ANKRD12: variants seen among roughly 807,000 people sequenced by gnomAD.
The protein encoded by ANKRD12 is ankyrin repeat domain 12, also known as ankyrin repeat domain-containing protein 12.
Under a neutral mutation model 183.4 loss-of-function variants are expected in ANKRD12, and 85 were observed. That is an observed-to-expected ratio of 0.46 (90% CI 0.39 to 0.56). The LOEUF is 0.56. Ranked by LOEUF, ANKRD12 falls within the 20% of genes least tolerant of loss-of-function variation. ANKRD12 has a pLI of 0.00. For missense variants in ANKRD12, 2,405 were observed against 2,357.1 expected, an observed-to-expected ratio of 1.02 and a Z score of -0.42; for synonymous variants, 914 against 800.2, an observed-to-expected ratio of 1.14 and a Z score of -2.40.
chr18:9,185,680 GAATGGAGGAGGATA>G (rs1349095899), intron 2 of ANKRD12, among the ~76,000 whole-genome samples: 1 of 152,136 alleles, frequency 6.6e-6, no homozygotes, highest in East Asian at 1.9e-4. Context: ...AGTGGCACAA[GAATGGAGGAGGATA>G]GACCCTGAGG....
At position 9,256,182 on chromosome 18, in the gene ANKRD12, T is replaced by G. The variant is rs772150644; in HGVS notation, c.2915T>G (p.Ile972Arg). The change falls in exon 9 of 13, where the codon ATA becomes AGA. Residue 972 changes from isoleucine to arginine, a missense_variant. Physicochemically the swap from Ile to Arg is moderately conservative, Grantham distance 97. Around this residue, in one of 7 missense-constraint regions of ANKRD12, gnomAD observed 1,983 missense variants for 1,725.9 expected, o/e 1.15. Coordinates refer to ENST00000262126, the MANE Select transcript of ANKRD12 (RefSeq NM_015208.5). Reference sequence around the variant, plus strand: ...TCTAGAGATAAAGAAAGTATAAATATAACTAACTCCAAACACATACAGGAA... The same window carrying G: ...TCTAGAGATAAAGAAAGTATAAATAGAACTAACTCCAAACACATACAGGAA... ...EKSRDKESIN[I>R]TNSKHIQEEK... The G allele has an allele frequency of 2.6e-6, 4 of 1,562,166 alleles. No individual in the cohort carries two copies. In the African/African-American group the frequency reaches 5.6e-5, roughly 22 times the overall value.
chr18:9,242,328 A>T (rs997784415), intron 8 of ANKRD12, among the ~76,000 whole-genome samples: 1 of 152,166 alleles, frequency 6.6e-6, no homozygotes, highest in Non-Finnish European at 1.5e-5. Flanking sequence ...GTGCCTAGCA[A>T]CTTAAAGTGA....
chr18:9,242,656 A>ATTC (rs1317112276), intron 8 of ANKRD12, among the ~76,000 whole-genome samples: 1 of 152,190 alleles, frequency 6.6e-6, no homozygotes, highest in Admixed American at 6.5e-5. Flanking sequence ...CAGAGGAAAA[A>ATTC]TTCTTGATTG....
chr18:9,245,509 G>GT (rs568916073), intron 8 of ANKRD12, among the ~76,000 whole-genome samples: 133 of 152,148 alleles, frequency 8.7e-4, no homozygotes, highest in Non-Finnish European at 1.5e-3. Context: ...ATTGTTTAAG[G>GT]TCAAGGCATG....
chr18:9,244,302 A>G (rs945499132), intron 8 of ANKRD12, among the ~76,000 whole-genome samples: 1 of 152,208 alleles, frequency 6.6e-6, no homozygotes, highest in African/African-American at 2.4e-5. Flanking sequence ...AAAATTATTC[A>G]AATATATTGC....
intron 8 of ANKRD12, among the ~76,000 whole-genome samples, chr18:9,246,422 C>G (rs1458151009): frequency 6.6e-6 from 1 of 152,064 alleles, no homozygotes; most frequent in Non-Finnish European, 1.5e-5. Flanking sequence ...CTTCTTTGCC[C>G]TCACGCCTCC....
chr18:9,271,441 C>A (rs1177923508), intron 10 of ANKRD12, among the ~76,000 whole-genome samples: 1 of 152,094 alleles, frequency 6.6e-6, no homozygotes, highest in Non-Finnish European at 1.5e-5. Flanking sequence ...ACGGCGTGAA[C>A]CCAGGAGGCG....
chr18:9,141,747 T>C (rs2078322922), intron 1 of ANKRD12, among the ~76,000 whole-genome samples: 1 of 152,220 alleles, frequency 6.6e-6, no homozygotes, highest in Admixed American at 6.5e-5. Context: ...TAGTTTACCT[T>C]TCTGGTTTTC....
intron 1 of ANKRD12, among the ~76,000 whole-genome samples, chr18:9,157,725 G>A (rs2030823668): frequency 6.7e-6 from 1 of 150,194 alleles, no homozygotes; most frequent in Non-Finnish European, 1.5e-5. Context: ...GCCTCAGTAT[G>A]TTATGTATAT....
intron 1 of ANKRD12, among the ~76,000 whole-genome samples, chr18:9,181,971 A>G (rs1025395600): frequency 2.0e-5 from 3 of 152,208 alleles, no homozygotes; most frequent in Admixed American, 1.3e-4. Flanking sequence ...AATGTAGGGA[A>G]TTAGGTGTTG....
chr18:9,250,759 T>C (rs2038245627), intron 8 of ANKRD12, among the ~76,000 whole-genome samples: 1 of 152,184 alleles, frequency 6.6e-6, no homozygotes, highest in South Asian at 2.1e-4. Context: ...TCTGAATGGC[T>C]GAATTTCGAA....
intron 4 of ANKRD12, among the ~76,000 whole-genome samples, chr18:9,205,654 A>G (rs2144566483): frequency 6.6e-6 from 1 of 152,298 alleles, no homozygotes; most frequent in South Asian, 2.1e-4. Context: ...GAAGCCATCC[A>G]TAATCTGAGT....
intron 8 of ANKRD12, among the ~76,000 whole-genome samples, chr18:9,230,091 G>T (rs1313255886): frequency 6.6e-6 from 1 of 152,038 alleles, no homozygotes; most frequent in Non-Finnish European, 1.5e-5. Flanking sequence ...CTTCTTTGTG[G>T]TAATGCTTTG....
intron 1 of ANKRD12, among the ~76,000 whole-genome samples, chr18:9,168,384 C>T (rs541597209): frequency 4.6e-5 from 7 of 152,216 alleles, no homozygotes; most frequent in Admixed American, 3.3e-4. Flanking sequence ...TTGATTATTG[C>T]CTCAATTTCA....
chr18:9,268,615 T>C (rs4798792), intron 10 of ANKRD12, among the ~76,000 whole-genome samples: 120,617 of 152,012 alleles, frequency 0.79, 48,049 homozygotes, highest in Middle Eastern at 0.88. Context: ...ATTGATGGGA[T>C]GTATCTCAAA....
At chr18:9,262,130 C>G (rs1473753357) in intron 9 of ANKRD12, among the ~76,000 whole-genome samples, 1 of 152,134 alleles carries the variant, frequency 6.6e-6, no homozygotes. Flanking sequence ...TGTTTTCAGT[C>G]TCTCATAATG....
intron 3 of ANKRD12, among the ~76,000 whole-genome samples, chr18:9,196,363 T>A (rs1000900051): frequency 1.1e-4 from 17 of 152,192 alleles, no homozygotes; most frequent in South Asian, 6.2e-4. Context: ...AATAAATTAC[T>A]AGGTTGTGTT....
intron 2 of ANKRD12, among the ~76,000 whole-genome samples, chr18:9,193,816 T>C (rs1478498154): frequency 6.6e-6 from 1 of 152,214 alleles, no homozygotes; most frequent in Non-Finnish European, 1.5e-5. Flanking sequence ...TAAGATCTCC[T>C]GCTAAGGCAG....
At chr18:9,156,230 T>C (rs936241918) in intron 1 of ANKRD12, among the ~76,000 whole-genome samples, 4 of 152,064 alleles carry the variant, frequency 2.6e-5, no homozygotes, top group South Asian at 2.1e-4. Context: ...CTAATACTTA[T>C]ATGGTTTAAT....
Sources: allele counts gnomAD v4.1 joint callset (sites outside exome capture counted in the v4.1 genomes callset), GRCh38; gene constraint gnomAD v4.1.1; regional missense constraint gnomAD v4.1.1; transcripts MANE v1.5; gene names NCBI Gene and HGNC (gene_info 2026-07-23, HGNC 2026-07-21).